UCHL5: variants seen among roughly 807,000 people sequenced by gnomAD.
The protein encoded by UCHL5 is ubiquitin C-terminal hydrolase L5, also known as ubiquitin carboxyl-terminal hydrolase isozyme L5.
A neutral mutation model predicts 53.8 loss-of-function variants in UCHL5; 34 were observed. That is an observed-to-expected ratio of 0.63 (90% CI 0.48 to 0.84). The LOEUF is 0.84. UCHL5 is among the 40% of genes least tolerant of loss of function. UCHL5 has a pLI of 0.00. For missense variants in UCHL5, 290 were observed against 385.6 expected (o/e 0.75, Z 2.08); for synonymous variants, 111 against 126.3 (o/e 0.88, Z 0.81).
In UCHL5 at chr1:193,059,224, T is replaced by C. The variant is rs751924395; in HGVS notation, c.37A>G (p.Ser13Gly). Reference sequence around the variant, plus strand: ...AGCTCGGTGAAGACCCCGGGGTCGCTTTCCATGAGGCACCACTCCCCGGCA... The same window carrying C: ...AGCTCGGTGAAGACCCCGGGGTCGCCTTCCATGAGGCACCACTCCCCGGCA... ...GNAGEWCLME[S>G]DPGVFTELIK... is the part of the protein sequence containing the mutation. The change falls in exon 1 of 11, where the codon AGC becomes GGC. Residue 13 changes from serine (S) to glycine (G), a missense_variant. Transcript: ENST00000367454. This position sits in a 1 kb window ranked among gnomAD's most constrained non-coding sequence, Gnocchi z 4.9. 2 of 1,613,916 alleles carry C rather than the reference T, an allele frequency of 1.2e-6. No homozygotes were observed. The highest frequency in any genetic ancestry group is 1.3e-5 in the African/African-American group (1 of 74,906).
intron 3 of UCHL5, among the ~76,000 whole-genome samples, chr1:193,033,465 G>A (rs1015980144): frequency 1.3e-5 from 2 of 151,904 alleles, no homozygotes; most frequent in Admixed American, 6.6e-5. Context: ...ACCATGGCAC[G>A]TGTATACCTA....
At chr1:193,036,153 G>C (rs1663303874) in intron 3 of UCHL5, among the ~76,000 whole-genome samples, 1 of 151,534 alleles carries the variant, frequency 6.6e-6, no homozygotes, top group South Asian at 2.1e-4. Context: ...TAATAACACT[G>C]AATGTAAATA....
At chr1:193,028,236 T>C in intron 6 of UCHL5, 88 bp from the exon 7 acceptor site, 1 of 1,148,972 alleles carries the variant, frequency 8.7e-7, no homozygotes, top group Non-Finnish European at 1.2e-6. Context: ...AATATTTTTT[T>C]ACAAATATTT....
intron 7 of UCHL5, among the ~76,000 whole-genome samples, chr1:193,027,198 C>T (rs1659597480): frequency 6.6e-6 from 1 of 152,138 alleles, no homozygotes; most frequent in South Asian, 2.1e-4. Flanking sequence ...TGTGATATTA[C>T]ACTATAGTTT....
chr1:193,041,875 C>G (rs1257225105), intron 3 of UCHL5, among the ~76,000 whole-genome samples: 1 of 152,112 alleles, frequency 6.6e-6, no homozygotes, highest in African/African-American at 2.4e-5. Flanking sequence ...GTAATCCCAG[C>G]ACTTTGTGAG....
chr1:193,029,305 G>T lies in UCHL5; in HGVS notation c.439C>A (p.Gln147Lys), dbSNP rs941683161. 27 of 1,613,326 alleles carry T rather than the reference G, an allele frequency of 1.7e-5. No homozygotes were observed. The highest frequency in any genetic ancestry group is 2.2e-5 in the Non-Finnish European group (26 of 1,179,698). ...RQVHNSFARQ[Q>K]MFEFDTKTSA... ...GTCTTCGTATCAAATTCAAACATTT[G>T]CTGTCTACAGTAAATAAAAAAATAG... The change falls in exon 6 of 11, where the codon CAA (glutamine) becomes AAA (lysine). Residue 147 changes from glutamine (Q) to lysine (K), a missense_variant. Physicochemically the swap from Gln to Lys is moderately conservative, Grantham distance 53. Coordinates refer to ENST00000367454, the MANE Select transcript of UCHL5 (RefSeq NM_001199261.3).
upstream of UCHL5, chr1:193,059,933 T>C (rs747101398): frequency 7.3e-7 from 1 of 1,366,338 alleles, no homozygotes; most frequent in Non-Finnish European, 9.8e-7. The surrounding 1 kb of genome is among the most constrained non-coding windows in gnomAD (Gnocchi z 4.9). Flanking sequence ...CTTCCGCGCC[T>C]GTCCACCCTG....
At chr1:193,047,625 T>C (rs1169489975) in intron 3 of UCHL5, among the ~76,000 whole-genome samples, 2 of 152,178 alleles carry the variant, frequency 1.3e-5, no homozygotes, top group African/African-American at 4.8e-5. Flanking sequence ...ATCAGACTAT[T>C]CTAAGCAAGT....
chr1:193,044,084 G>T (rs190990976), intron 3 of UCHL5, among the ~76,000 whole-genome samples: 1 of 152,150 alleles, frequency 6.6e-6, no homozygotes, highest in African/African-American at 2.4e-5. Flanking sequence ...GGTCTTGGTC[G>T]AACTCTACAG....
At chr1:193,029,771 C>G (rs1184838026) in intron 3 of UCHL5, 114 bp from the exon 4 acceptor site, 22 of 857,232 alleles carry the variant, frequency 2.6e-5, no homozygotes, top group Admixed American at 9.5e-5. Context: ...TTTATGAAGT[C>G]TCAGCATAAA....
chr1:193,041,187 C>T (rs1018942622), intron 3 of UCHL5, among the ~76,000 whole-genome samples: 6 of 152,054 alleles, frequency 3.9e-5, no homozygotes, highest in African/African-American at 1.4e-4. Flanking sequence ...TGACTGATAT[C>T]CCAATTATAC....
intron 3 of UCHL5, among the ~76,000 whole-genome samples, chr1:193,046,235 C>G (rs1397573391): frequency 6.6e-6 from 1 of 151,624 alleles, no homozygotes; most frequent in African/African-American, 2.4e-5. Flanking sequence ...CGCCCTATAT[C>G]GCCCAGGCTG....
intron 10 of UCHL5, among the ~76,000 whole-genome samples, chr1:193,020,649 T>A (rs1027725380): frequency 6.6e-6 from 1 of 151,952 alleles, no homozygotes; most frequent in Non-Finnish European, 1.5e-5. Context: ...TTTCCCTCAG[T>A]GGAATGGATA....
At chr1:193,038,438 G>C (rs1664383077) in intron 3 of UCHL5, among the ~76,000 whole-genome samples, 1 of 146,954 alleles carries the variant, frequency 6.8e-6, no homozygotes, top group Non-Finnish European at 1.5e-5. Context: ...CTGGGCGACA[G>C]AGTGAGACTT....
At chr1:193,053,984 C>T (rs972606397) in intron 1 of UCHL5, among the ~76,000 whole-genome samples, 16 of 145,194 alleles carry the variant, frequency 1.1e-4, no homozygotes, top group South Asian at 2.2e-4. Context: ...TCTGGAAGTT[C>T]GGAGGTAAGA....
Position 193,059,152 on chromosome 1 carries a change from C to T in UCHL5, c.76+33G>A, listed in dbSNP as rs949323131. ...GCCCAGCTTGGGCCTCCTCCCGTGACCCCAGGCCCAGGACGGTCCCCTTGG... is the reference window on the plus strand; with the variant it reads ...GCCCAGCTTGGGCCTCCTCCCGTGATCCCAGGCCCAGGACGGTCCCCTTGG... On this transcript the variant is annotated intron_variant, in intron 1 of 10. Coordinates refer to ENST00000367454, the MANE Select transcript of UCHL5 (RefSeq NM_001199261.3). The surrounding 1 kb of genome is among the most constrained non-coding windows in gnomAD (Gnocchi z 4.9). 6.6e-6 allele frequency: 10 copies of T among 1,524,020 alleles called. No individual in the cohort carries two copies. The highest frequency in any genetic ancestry group is 8.8e-6 in the Non-Finnish European group (10 of 1,130,062). The allele number at this position is 1,524,020 out of a possible 1,614,324, so 94.4% of individuals were successfully genotyped here.
chr1:193,059,801 T>C (rs751097847), upstream of UCHL5: 2 of 1,356,798 alleles, frequency 1.5e-6, no homozygotes, highest in Non-Finnish European at 2.0e-6. This position sits in a 1 kb window ranked among gnomAD's most constrained non-coding sequence, Gnocchi z 4.9. Flanking sequence ...GGAGGCCGGC[T>C]GGGAGCCTTT....
intron 3 of UCHL5, among the ~76,000 whole-genome samples, chr1:193,047,334 T>C (rs2102790512): frequency 6.6e-6 from 1 of 152,234 alleles, no homozygotes; most frequent in East Asian, 1.9e-4. Context: ...AGGATATTCA[T>C]GTTCATCACT....
chr1:193,051,531 C>T (rs1347385679), intron 2 of UCHL5, among the ~76,000 whole-genome samples: 3 of 143,892 alleles, frequency 2.1e-5, no homozygotes, highest in South Asian at 4.4e-4. Context: ...TATGGAATTA[C>T]AGAGCCTTAG....
Sources: gnomAD v4.1 joint callset for allele counts (sites outside exome capture counted in the v4.1 genomes callset) on GRCh38, gnomAD v4.1.1 for gene constraint, Gnocchi (gnomAD v3.1) non-coding constraint, MANE v1.5 for transcripts, NCBI Gene and HGNC (gene_info 2026-07-23, HGNC 2026-07-21) for gene names.